HMCN2: variants seen among roughly 807,000 people sequenced by gnomAD.
HMCN2 encodes the protein hemicentin 2.
A neutral mutation model predicts 377.5 loss-of-function variants in HMCN2; 325 were observed. The ratio of observed to expected loss-of-function variants is 0.86; its 90% CI spans 0.79 to 0.94. The LOEUF (loss-of-function observed/expected upper bound fraction) is 0.94, where lower values mean the gene tolerates loss of function less well. Ranked by LOEUF, HMCN2 falls within the 40% of genes least tolerant of loss-of-function variation. The pLI, the probability that HMCN2 is intolerant of heterozygous loss-of-function variation, is 0.00. For synonymous variants in HMCN2, 2,007 were observed against 2,046.8 expected (o/e 0.98, Z 0.53); for missense variants, 4,543 against 4,725.3 (o/e 0.96, Z 1.13).
In HMCN2 at chr9:130,348,536, G is replaced by A. The variant is rs1455462745; in HGVS notation, c.4025-9G>A. 1 of 1,303,514 alleles carries A rather than the reference G, an allele frequency of 7.7e-7. No individual in the cohort carries two copies. Among genetic ancestry groups the A allele is most frequent in the Non-Finnish European group, 1.0e-6 (1 of 988,736 alleles). The allele number at this position is 1,303,514 out of a possible 1,614,324, so 80.7% of individuals were successfully genotyped here. A position where few individuals can be genotyped will look rare whatever the true frequency, so the allele number is the denominator to read the frequency against. On this transcript the variant is annotated splice_polypyrimidine_tract_variant and intron_variant, in intron 26 of 97. Transcript: ENST00000683500. ...GGGAAGCAGCTCCTCGGCTCTCCTT[G>A]CCCCCAAGTGCCCCCCAGCATCCGG... is the stretch of plus-strand genomic sequence containing the variant.
intron 74 of HMCN2, among the ~76,000 whole-genome samples, 196 bp from the exon 75 acceptor site, chr9:130,398,355 G>T (rs1212533056): frequency 6.6e-6 from 1 of 152,112 alleles, no homozygotes; most frequent in Non-Finnish European, 1.5e-5. Flanking sequence ...GGGGGTGCCA[G>T]GCTCAGGGAT....
At chr9:130,388,723 G>A (rs1320862845) in intron 62 of HMCN2, among the ~76,000 whole-genome samples, 183 bp downstream of exon 62, 2 of 150,262 alleles carry the variant, frequency 1.3e-5, no homozygotes, top group African/African-American at 4.9e-5. Context: ...ATTGGCCCTT[G>A]GAATCCAAAC....
At position 130,362,055 on chromosome 9, in the gene HMCN2, G is replaced by T; in HGVS notation, c.5998G>T (p.Val2000Phe). 1 of 986,218 alleles carries T rather than the reference G, an allele frequency of 1.0e-6. No homozygotes were observed. Among genetic ancestry groups the T allele is most frequent in the African/African-American group, 1.7e-5 (1 of 57,364 alleles). The allele number at this position is 986,218 out of a possible 1,614,324, so 61.1% of individuals were successfully genotyped here. The change falls in exon 39 of 98, where the codon GTC becomes TTC. Residue 2000 changes from valine to phenylalanine, a missense_variant. This residue lies in a region of HMCN2 where 1,032 missense variants were observed against 1,285.1 expected (regional missense o/e 0.80). Coordinates refer to ENST00000683500, the MANE Select transcript of HMCN2 (RefSeq NM_001291815.2). ...LPPSLPGPVL[V>F]NTPVRLTCNA... Reference sequence around the variant, plus strand: ...ACCCAGCCTGCCAGGCCCTGTGTTGGTCAACACCCCTGTCCGGCTGACCTG... The same window carrying T: ...ACCCAGCCTGCCAGGCCCTGTGTTGTTCAACACCCCTGTCCGGCTGACCTG...
At chr9:130,406,334 C>A in intron 82 of HMCN2, 166 bp downstream of exon 82, 1 of 447,428 alleles carries the variant, frequency 2.2e-6, no homozygotes, top group South Asian at 1.9e-5. Flanking sequence ...CAGGGCAAAC[C>A]CAGCTGTGGC....
At chr9:130,346,746 A>G (rs979308793) in intron 25 of HMCN2, among the ~76,000 whole-genome samples, 5 of 152,200 alleles carry the variant, frequency 3.3e-5, no homozygotes, top group Admixed American at 6.5e-5. Context: ...GGTGGGGGAC[A>G]CGGAAAAGAG....
chr9:130,360,675 G>T lies in HMCN2; in HGVS notation c.5950+71G>T. The T allele has an allele frequency of 1.0e-6, 1 of 983,568 alleles. No individual in the cohort carries two copies. The highest frequency in any genetic ancestry group is 6.6e-5 in the East Asian group (1 of 15,162). The allele number at this position is 983,568 out of a possible 1,614,324, so 60.9% of individuals were successfully genotyped here. On this transcript the variant is annotated intron_variant, in intron 38 of 97. Transcript: ENST00000683500. The surrounding 1 kb of genome is among the most constrained non-coding windows in gnomAD (Gnocchi z 4.7). ...TTTTCATTCATTTGTCTATTAGTCTGTCCATCCACCTGTCCACTCATCCAT... is the reference window on the plus strand; with the variant it reads ...TTTTCATTCATTTGTCTATTAGTCTTTCCATCCACCTGTCCACTCATCCAT...
intron 61 of HMCN2, among the ~76,000 whole-genome samples, chr9:130,387,111 G>C (rs1357424772): frequency 1.3e-5 from 2 of 152,212 alleles, no homozygotes. Context: ...GATCCCCAGG[G>C]GGGCCTGTCC....
chr9:130,351,660 G>C lies in HMCN2; in HGVS notation c.4585+83G>C. The stretch of plus-strand genomic sequence containing the variant: ...AGCTGCCCGCTGCCTTAGAGGGAGA[G>C]TGAGGGCTGAAATGGGGGACCTGGT... On this transcript the variant is annotated intron_variant, in intron 30 of 97. Transcript: ENST00000683500. This position sits in a 1 kb window ranked among gnomAD's most constrained non-coding sequence, Gnocchi z 5.4. The C allele has an allele frequency of 8.5e-7, 1 of 1,175,866 alleles. No homozygotes were observed. The highest frequency in any genetic ancestry group is 2.8e-5 in the Admixed American group (1 of 35,920). The allele number at this position is 1,175,866 out of a possible 1,614,324, so 72.8% of individuals were successfully genotyped here. A position where few individuals can be genotyped will look rare whatever the true frequency, so the allele number is the denominator to read the frequency against.
At chr9:130,431,514 A>AT (rs1844759000) in intron 96 of HMCN2, 28 bp downstream of exon 96, 1 of 1,544,686 alleles carries the variant, frequency 6.5e-7, no homozygotes, top group African/African-American at 1.4e-5. Context: ...CGCCGCCCAA[A>AT]CACCCGTGGG....
intron 81 of HMCN2, 130 bp downstream of exon 81, chr9:130,405,189 C>A: frequency 1.6e-6 from 1 of 614,042 alleles, no homozygotes; most frequent in Non-Finnish European, 2.2e-6. Flanking sequence ...ATCCCGGGTA[C>A]AGACAGCCAG....
Position 130,394,785 on chromosome 9 carries a change from C to T in HMCN2, c.10692+210C>T, listed in dbSNP as rs1440141778. On this transcript the variant is annotated intron_variant, in intron 69 of 97. Transcript: ENST00000683500. The surrounding 1 kb of genome is among the most constrained non-coding windows in gnomAD (Gnocchi z 5.1). ...CAGGCTGATGCCAAAACCAGGTGAC[C>T]CCATCTAGGCCAGAGGAGGGCTGGT... Among the ~76,000 whole-genome samples the T allele has an allele frequency of 2.0e-5, 3 of 152,172 alleles. No homozygotes were observed. The East Asian group carries it at 5.8e-4, about 29-fold the overall frequency.
intron 44 of HMCN2, 140 bp downstream of exon 44, chr9:130,368,577 G>C: frequency 7.0e-6 from 2 of 284,538 alleles, no homozygotes; most frequent in Non-Finnish European, 1.1e-5. Flanking sequence ...TGGTGTGTGA[G>C]TCCGTTCTCA....
intron 57 of HMCN2, 73 bp downstream of exon 57, chr9:130,383,673 A>G (rs1434971927): frequency 1.0e-5 from 7 of 671,556 alleles, no homozygotes; most frequent in Non-Finnish European, 1.1e-5. Flanking sequence ...TGGGGCTTCC[A>G]GTATCCTGGG....
At chr9:130,403,075 A>G (rs780232364) in intron 78 of HMCN2, 119 bp from the exon 79 acceptor site, 10 of 1,095,932 alleles carry the variant, frequency 9.1e-6, no homozygotes, top group Non-Finnish European at 9.4e-6. Context: ...GCTGTGGCCG[A>G]TGTTTCTAGA....
chr9:130,395,896 G>C, intron 71 of HMCN2, 28 bp from the exon 72 acceptor site: 1 of 1,280,488 alleles, frequency 7.8e-7, no homozygotes, highest in Non-Finnish European at 1.0e-6. Context: ...ACTGATAAGG[G>C]TCTGTCCACC....
chr9:130,419,128 C>T (rs1362930570), intron 86 of HMCN2, 87 bp downstream of exon 86: 2 of 1,292,308 alleles, frequency 1.5e-6, no homozygotes, highest in Non-Finnish European at 2.0e-6. Flanking sequence ...GGAGACCTGT[C>T]CCCTGCCTTG....
intron 87 of HMCN2, 54 bp from the exon 88 acceptor site, chr9:130,424,722 G>A (rs1316619499): frequency 2.1e-6 from 3 of 1,451,292 alleles, no homozygotes; most frequent in African/African-American, 2.9e-5. Context: ...TGAACAGGAG[G>A]TGGCTGCCCT....
chr9:130,358,538 T>C (rs1016980318), intron 36 of HMCN2, 52 bp downstream of exon 36: 3 of 1,301,030 alleles, frequency 2.3e-6, no homozygotes, highest in Admixed American at 2.3e-5. Context: ...GGGTGATCCC[T>C]TGGGGACCCT....
chr9:130,348,146 C>A, intron 26 of HMCN2: 1 of 620,622 alleles, frequency 1.6e-6, no homozygotes, highest in Non-Finnish European at 2.0e-6. Flanking sequence ...ACCAGCTGCT[C>A]TGGCTAGCCC....
Sources: allele counts gnomAD v4.1 joint callset (sites outside exome capture counted in the v4.1 genomes callset), GRCh38; gene constraint gnomAD v4.1.1; regional missense constraint gnomAD v4.1.1; non-coding constraint Gnocchi (gnomAD v3.1); transcripts MANE v1.5; gene names NCBI Gene and HGNC (gene_info 2026-07-23, HGNC 2026-07-21).